The following TCFL5 variants were observed in gnomAD, a reference collection of about 807,000 sequenced individuals.
The protein encoded by TCFL5 is transcription factor like 5.
Under a neutral mutation model 44.3 loss-of-function variants are expected in TCFL5, and 9 were observed. The observed-to-expected ratio is 0.20, with a 90% CI of 0.12 to 0.35. The LOEUF (loss-of-function observed/expected upper bound fraction) is 0.35, where lower values mean the gene tolerates loss of function less well. Ranked by LOEUF, TCFL5 falls within the 10% of genes least tolerant of loss-of-function variation. The probability of loss-of-function intolerance (pLI) is 1.00; values close to 1 mark genes in which losing one functional copy is unlikely to be tolerated. For missense variants in TCFL5, 603 were observed against 613.4 expected, an observed-to-expected ratio of 0.98 and a Z score of 0.18; for synonymous variants, 319 against 271.6, an observed-to-expected ratio of 1.17 and a Z score of -1.72.
chr20:62,852,069 T>C, intron 5 of TCFL5: 1 of 985,142 alleles, frequency 1.0e-6, no homozygotes, highest in Non-Finnish European at 1.2e-6. Context: ...GCCTCCCAAG[T>C]GCTGGGATCA....
rs752096331 is a variant in TCFL5 at position 62,842,783 on chromosome 20, A to G, written c.1381-686T>C. Among the ~76,000 whole-genome samples the G allele has an allele frequency of 1.3e-5, 2 of 152,200 alleles. No individual in the cohort carries two copies. Among genetic ancestry groups the G allele is most frequent in the Non-Finnish European group, 2.9e-5 (2 of 68,036 alleles). ...CGTCTCAAAAAAATAAATTTTTAAA[A>G]AGTTTCAACAATTAACAAGTCAGGG... On this transcript the variant is annotated intron_variant, in intron 5 of 5. Transcript: ENST00000335351. The surrounding 1 kb of genome is among the most constrained non-coding windows in gnomAD (Gnocchi z 4.3).
chr20:62,860,378 C>T, intron 1 of TCFL5, 70 bp from the exon 2 acceptor site: 5 of 1,451,236 alleles, frequency 3.4e-6, no homozygotes, highest in Non-Finnish European at 4.7e-6. Flanking sequence ...ATCCCACTCC[C>T]ATGGCTCTGG....
intron 5 of TCFL5, among the ~76,000 whole-genome samples, chr20:62,843,057 G>A (rs2063697568): frequency 6.6e-6 from 1 of 152,254 alleles, no homozygotes; most frequent in Non-Finnish European, 1.5e-5. Flanking sequence ...AGGGGCACAG[G>A]CGACGGCCCG....
rs1476980036 is a variant in TCFL5, at chr20:62,853,012, GTA to G, written c.1380+1002_1380+1003del. ...AAGTACATTCACCCAGTCCGCAGAA[GTA>G]TAGTCACCCGGTCCACAGAAGCATA... On this transcript the variant is annotated intron_variant, in intron 5 of 5. Transcript: ENST00000335351. The G allele has an allele frequency of 6.3e-6, 8 of 1,278,206 alleles. No homozygotes were observed. The East Asian group carries it at 3.4e-4, about 54-fold the overall frequency. 79.2% of individuals were successfully genotyped at this position (1,278,206 alleles called of 1,614,324 possible).
intron 5 of TCFL5, among the ~76,000 whole-genome samples, chr20:62,850,858 C>T (rs1475046398): frequency 6.6e-6 from 1 of 152,156 alleles, no homozygotes; most frequent in Non-Finnish European, 1.5e-5. Context: ...GCGCCTCCCT[C>T]GACCACCCAA....
chr20:62,844,406 C>A (rs1408939520), intron 5 of TCFL5, among the ~76,000 whole-genome samples: 1 of 152,072 alleles, frequency 6.6e-6, no homozygotes, highest in Non-Finnish European at 1.5e-5. Flanking sequence ...GTTCTTTGCC[C>A]ATTTTTCAGT....
intron 5 of TCFL5, among the ~76,000 whole-genome samples, chr20:62,846,907 G>T (rs928371911): frequency 6.6e-6 from 1 of 152,122 alleles, no homozygotes; most frequent in African/African-American, 2.4e-5. Flanking sequence ...GAAAGCGGCC[G>T]GGTGCAGTGG....
chr20:62,854,309 C>A (rs898167889), intron 4 of TCFL5, 152 bp from the exon 5 acceptor site: 52 of 1,030,586 alleles, frequency 5.0e-5, no homozygotes, highest in Non-Finnish European at 6.9e-5. Context: ...GGAAGCCCCA[C>A]GGCTTTGCCA....
At position 62,857,464 on chromosome 20, in the gene TCFL5, G is replaced by T. The variant is rs1268151928; in HGVS notation, c.1169C>A (p.Ala390Asp). 1 of 1,614,206 alleles carries T rather than the reference G, an allele frequency of 6.2e-7. No individual in the cohort carries two copies. Among genetic ancestry groups the T allele is most frequent in the South Asian group, 1.1e-5 (1 of 91,088 alleles). The change falls in exon 4 of 6, where the codon GCC becomes GAC. Residue 390 changes from alanine to aspartate, a missense_variant. By Grantham distance (126) the Ala-to-Asp change is moderately radical. This residue lies in a region of TCFL5 where 540 missense variants were observed against 478.7 expected (regional missense o/e 1.13). Transcript: ENST00000335351. ...CCTTCCTCCCTGGGGCCCACTCTGG[G>T]CCTGCTCCCCCAGGTTTGCCTGTGA... is the stretch of plus-strand genomic sequence containing the variant. ...ESSQANLGEQ[A>D]QSGPQGGRSQ...
chr20:62,842,623 G>A lies in TCFL5; in HGVS notation c.1381-526C>T, dbSNP rs542675788. On this transcript the variant is annotated intron_variant, in intron 5 of 5. Transcript: ENST00000335351. This position sits in a 1 kb window ranked among gnomAD's most constrained non-coding sequence, Gnocchi z 4.3. ...CTAAAAATACAAAAATTAGCTGGGC[G>A]TGGTGGCAAGCATCTTGTGACCCCA... 3.3e-5 allele frequency among the ~76,000 whole-genome samples: 5 copies of A among 152,256 alleles called. No individual in the cohort carries two copies. Among genetic ancestry groups the A allele is most frequent in the South Asian group, 2.1e-4 (1 of 4,824 alleles).
intron 3 of TCFL5, 142 bp from the exon 4 acceptor site, chr20:62,857,780 T>A: frequency 2.9e-6 from 3 of 1,018,948 alleles, no homozygotes; most frequent in Non-Finnish European, 4.2e-6. Context: ...AGAGATGTAC[T>A]AATGCAGTTT....
rs754907505 is a variant in TCFL5, at chr20:62,842,109, A to T, written c.1381-12T>A. On this transcript the variant is annotated splice_polypyrimidine_tract_variant and intron_variant, in intron 5 of 5. Coordinates refer to ENST00000335351, the MANE Select transcript of TCFL5 (RefSeq NM_006602.4). This position sits in a 1 kb window ranked among gnomAD's most constrained non-coding sequence, Gnocchi z 4.3. Reference sequence around the variant, plus strand: ...ACGCTCTCAAATTCCTGCAGTGAAGAAGTGACGGTTAACATACTGAATTAA... The same window carrying T: ...ACGCTCTCAAATTCCTGCAGTGAAGTAGTGACGGTTAACATACTGAATTAA... 6 of 1,613,946 alleles carry T rather than the reference A, an allele frequency of 3.7e-6. No individual in the cohort carries two copies. The highest frequency in any genetic ancestry group is 5.1e-6 in the Non-Finnish European group (6 of 1,179,984).
At position 62,861,074 on chromosome 20, in the gene TCFL5, C is replaced by T. The variant is rs759592667; in HGVS notation, c.597G>A (p.Pro199=). The part of the protein sequence containing the change: ...DRFNSIPAEP[P]PAPRGPEPPE... ...GGGGCTCGGGGCCGCGCGGCGCGGG[C>T]GGCGGCTCGGCGGGGATGCTGTTGA... The change falls in exon 1 of 6, where the codon CCG becomes CCA. Residue 199 remains proline (P), a synonymous_variant. Coordinates refer to ENST00000335351, the MANE Select transcript of TCFL5 (RefSeq NM_006602.4). This position sits in a 1 kb window ranked among gnomAD's most constrained non-coding sequence, Gnocchi z 4.0. The T allele has an allele frequency of 8.0e-3, 7,966 of 995,998 alleles. 28 individuals carry two copies. The highest frequency in any genetic ancestry group is 8.9e-3 in the Non-Finnish European group (7,445 of 838,666). The allele number at this position is 995,998 out of a possible 1,614,324, so 61.7% of individuals were successfully genotyped here.
In TCFL5 at chr20:62,861,706, C is replaced by CGCGGGCG. The variant is rs1217911411; in HGVS notation, c.-43_-37dup. ...CGCGGCCCAACGGCGGCGAGGGCGACGCGGGCGGCGGGCGGCGGGAGGCGG... is the reference window on the plus strand; with the variant it reads ...CGCGGCCCAACGGCGGCGAGGGCGACGCGGGCGGCGGGCGGCGGGCGGCGGGAGGCGG... On this transcript the variant is annotated 5_prime_UTR_variant, in exon 1 of 6. Coordinates refer to ENST00000335351, the MANE Select transcript of TCFL5 (RefSeq NM_006602.4). This position sits in a 1 kb window ranked among gnomAD's most constrained non-coding sequence, Gnocchi z 4.0. 2.5e-3 allele frequency: 355 copies of CGCGGGCG among 143,154 alleles called. No individual in the cohort carries two copies. Among genetic ancestry groups the CGCGGGCG allele is most frequent in the South Asian group, 5.7e-3 (26 of 4,594 alleles). The allele number at this position is 143,154 out of a possible 1,614,324, so 8.9% of individuals were successfully genotyped here.
At chr20:62,853,257 A>G (rs1377607575) in intron 5 of TCFL5, among the ~76,000 whole-genome samples, 4 of 147,854 alleles carry the variant, frequency 2.7e-5, no homozygotes, top group Non-Finnish European at 4.4e-5. Context: ...CCCAGTCCAC[A>G]GAAGTATATT....
At chr20:62,850,612 A>C (rs1600838909) in intron 5 of TCFL5, among the ~76,000 whole-genome samples, 3 of 152,056 alleles carry the variant, frequency 2.0e-5, no homozygotes, top group African/African-American at 7.2e-5. Context: ...CTCTCACCCC[A>C]GCCCAGCTCC....
At chr20:62,859,928 T>TG (rs2063964358) in intron 2 of TCFL5, among the ~76,000 whole-genome samples, 197 bp downstream of exon 2, 1 of 152,052 alleles carries the variant, frequency 6.6e-6, no homozygotes, top group Admixed American at 6.6e-5. Context: ...AGGCTAGTCT[T>TG]GAACTCCTGA....
chr20:62,844,884 C>A, intron 5 of TCFL5: 3 of 985,208 alleles, frequency 3.0e-6, no homozygotes, highest in Non-Finnish European at 3.6e-6. Flanking sequence ...GCGGGAGCCA[C>A]GGTTCCCAGT....
chr20:62,849,730 A>C (rs1179595411), intron 5 of TCFL5, among the ~76,000 whole-genome samples: 1 of 152,178 alleles, frequency 6.6e-6, no homozygotes, highest in African/African-American at 2.4e-5. Context: ...AGGCTGAGGC[A>C]GGAGGATCAC....
Sources: allele counts gnomAD v4.1 joint callset (sites outside exome capture counted in the v4.1 genomes callset), GRCh38; gene constraint gnomAD v4.1.1; regional missense constraint gnomAD v4.1.1; non-coding constraint Gnocchi (gnomAD v3.1); transcripts MANE v1.5; gene names NCBI Gene and HGNC (gene_info 2026-07-23, HGNC 2026-07-21).